The following ETS1 variants were observed in gnomAD, a reference collection of about 807,000 sequenced individuals.
ETS1 encodes the protein protein C-ets-1.
A neutral mutation model predicts 58.6 loss-of-function variants in ETS1; 15 were observed. The observed-to-expected ratio is 0.26, with a 90% confidence interval of 0.17 to 0.39. ETS1 has a LOEUF of 0.39. ETS1 is among the 10% of genes least tolerant of loss of function. The pLI is 1.00. For synonymous variants in ETS1, 214 were observed against 218.2 expected, an observed-to-expected ratio of 0.98 and a Z score of 0.17; for missense variants, 417 against 610.5, an observed-to-expected ratio of 0.68 and a Z score of 3.34.
At chr11:128,462,719 T>C (rs1194951492) in intron 9 of ETS1, 143 bp from the exon 10 acceptor site, 2 of 659,240 alleles carry the variant, frequency 3.0e-6, no homozygotes, top group Non-Finnish European at 5.2e-6. Flanking sequence ...CATGTAGATA[T>C]AGAAAATATT....
chr11:128,481,906 C>T (rs760022913), intron 7 of ETS1, among the ~76,000 whole-genome samples: 12 of 152,142 alleles, frequency 7.9e-5, no homozygotes, highest in South Asian at 2.1e-4. Flanking sequence ...GTTTTCTCTA[C>T]ATCCTGACCC....
chr11:128,506,541 A>AG (rs1457084300), intron 3 of ETS1, among the ~76,000 whole-genome samples: 1 of 151,960 alleles, frequency 6.6e-6, no homozygotes, highest in Non-Finnish European at 1.5e-5. Flanking sequence ...GCACTAGGGG[A>AG]GGGGGTAGGA....
At chr11:128,479,282 G>A (rs564004294) in intron 8 of ETS1, among the ~76,000 whole-genome samples, 1 of 152,316 alleles carries the variant, frequency 6.6e-6, no homozygotes, top group South Asian at 2.1e-4. Context: ...CCAGGGTGGA[G>A]AGAATTATAA....
At chr11:128,491,845 G>A (rs1862810072) in intron 3 of ETS1, among the ~76,000 whole-genome samples, 1 of 152,138 alleles carries the variant, frequency 6.6e-6, no homozygotes, top group Admixed American at 6.5e-5. Flanking sequence ...GAAGAGTGAG[G>A]CATTACAGCC....
intron 3 of ETS1, among the ~76,000 whole-genome samples, chr11:128,491,509 T>C (rs1478485121): frequency 1.3e-5 from 2 of 152,196 alleles, no homozygotes; most frequent in Non-Finnish European, 2.9e-5. Flanking sequence ...TTGTGAAGGA[T>C]GCATGAGAAT....
intron 3 of ETS1, chr11:128,522,142 C>A: frequency 4.6e-6 from 6 of 1,316,518 alleles, no homozygotes; most frequent in Non-Finnish European, 5.8e-6. Context: ...GCCTTTCTTT[C>A]CCCCGCGCCC....
intron 3 of ETS1, among the ~76,000 whole-genome samples, chr11:128,535,731 GC>G (rs1863963952): frequency 6.6e-6 from 1 of 152,146 alleles, no homozygotes; most frequent in African/African-American, 2.4e-5. Context: ...GACATTTAGG[GC>G]CAGCTCTTTC....
chr11:128,551,421 T>A (rs1292345982), intron 3 of ETS1, among the ~76,000 whole-genome samples: 1 of 152,264 alleles, frequency 6.6e-6, no homozygotes, highest in African/African-American at 2.4e-5. Context: ...AATCTCAGCG[T>A]ATCTCCCACT....
chr11:128,526,736 T>C (rs921430217), intron 3 of ETS1: 1 of 346,620 alleles, frequency 2.9e-6, no homozygotes, highest in African/African-American at 2.2e-5. Context: ...TATATTTGTT[T>C]TGAGTCACAG....
chr11:128,585,344 G>GAAGGAAGT, intron 1 of ETS1, among the ~76,000 whole-genome samples: 1 of 130,178 alleles, frequency 7.7e-6, no homozygotes, highest in African/African-American at 3.1e-5. Context: ...AGGAAGGAAG[G>GAAGGAAGT]AAGCAAGGAA....
rs545337910 is a variant in ETS1, at chr11:128,489,148, G to A, written c.535+142C>T. On this transcript the variant is annotated intron_variant, in intron 5 of 9. Transcript: ENST00000392668. ...GAGTACCTGCTGTATGCTGAGCAGT[G>A]TACTAGGCACATTCCCACATACGTC... 1.8e-5 allele frequency: 13 copies of A among 727,164 alleles called. No homozygotes were observed. In the East Asian group the frequency reaches 3.2e-4, roughly 18 times the overall value. 45.0% of individuals were successfully genotyped at this position (727,164 alleles called of 1,614,324 possible).
chr11:128,473,600 G>C (rs892080633), intron 8 of ETS1, among the ~76,000 whole-genome samples: 2 of 152,216 alleles, frequency 1.3e-5, no homozygotes, highest in Middle Eastern at 3.4e-3. Flanking sequence ...TGCATGGGAT[G>C]ACCACTCTTT....
chr11:128,525,218 C>A (rs2135524425), intron 3 of ETS1, among the ~76,000 whole-genome samples: 1 of 152,160 alleles, frequency 6.6e-6, no homozygotes, highest in East Asian at 1.9e-4. Context: ...CAAGAAAAGT[C>A]CGCAGGAGTT....
intron 2 of ETS1, 85 bp downstream of exon 2, chr11:128,572,977 C>T: frequency 9.3e-7 from 1 of 1,069,796 alleles, no homozygotes; most frequent in South Asian, 1.3e-5. Context: ...GCTTCTCTGT[C>T]TACTGGGGGT....
rs12286770 is a variant in ETS1, at chr11:128,468,721, C to T, written c.1124-5094G>A. 7.3e-3 allele frequency among the ~76,000 whole-genome samples: 1,114 copies of T among 152,288 alleles called. 11 individuals carry two copies. The highest frequency in any genetic ancestry group is 0.025 in the African/African-American group (1,059 of 41,538). ...TAGTACATGGCTTACACCAAGACCA[C>T]CCCATTGGTTTGGTCTCTGTCCATT... On this transcript the variant is annotated intron_variant, in intron 8 of 9. Transcript: ENST00000392668.
rs79231301 is a variant in ETS1, at chr11:128,503,234, C to A, written c.215-12658G>T. On this transcript the variant is annotated intron_variant, in intron 3 of 9. Coordinates refer to ENST00000392668, the MANE Select transcript of ETS1 (RefSeq NM_001143820.2). ...AGACAACATCCCAGATAATGTCAAC[C>A]CATTGGGAGGGAACTAGTAGCAAAC... Among the ~76,000 whole-genome samples the A allele has an allele frequency of 5.0e-3, 756 of 152,136 alleles. 5 individuals are homozygous for A. Among genetic ancestry groups the A allele is most frequent in the African/African-American group, 0.014 (590 of 41,486 alleles).
At chr11:128,532,709 A>G (rs1370364641) in intron 3 of ETS1, among the ~76,000 whole-genome samples, 1 of 151,870 alleles carries the variant, frequency 6.6e-6, no homozygotes, top group East Asian at 1.9e-4. Context: ...GATCCTGCAT[A>G]CACAATACTG....
At chr11:128,531,258 T>A (rs543196268) in intron 3 of ETS1, among the ~76,000 whole-genome samples, 3 of 152,342 alleles carry the variant, frequency 2.0e-5, no homozygotes, top group Admixed American at 6.5e-5. Flanking sequence ...TTTCTTCATC[T>A]ACAGAATGGA....
Position 128,556,348 on chromosome 11 carries a change from A to C in ETS1, c.157T>G (p.Phe53Val). 1 of 1,612,866 alleles carries C rather than the reference A, an allele frequency of 6.2e-7. No homozygotes were observed. The highest frequency in any genetic ancestry group is 8.5e-7 in the Non-Finnish European group (1 of 1,179,088). The part of the protein sequence containing the change: ...NYHQQRPCYP[F>V]WDEMATQEVP... ...TCCTGAGTTGCCATCTCATCCCAAA[A>C]GGGGTAGCAAGGTCTTTGCTGGTGA... The change falls in exon 3 of 10, where the codon TTT (phenylalanine) becomes GTT (valine). Residue 53 changes from phenylalanine to valine, a missense_variant. Phe to Val is a conservative substitution (Grantham distance 50, BLOSUM62 -1). Coordinates refer to ENST00000392668, the MANE Select transcript of ETS1 (RefSeq NM_001143820.2).
Sources: gnomAD v4.1 joint callset for allele counts (sites outside exome capture counted in the v4.1 genomes callset) on GRCh38, gnomAD v4.1.1 for gene constraint, MANE v1.5 for transcripts, NCBI Gene and HGNC (gene_info 2026-07-23, HGNC 2026-07-21) for gene names.